RBM33: variants seen among roughly 807,000 people sequenced by gnomAD.
RBM33 encodes the protein RNA binding motif protein 33.
RBM33 carries 28 observed loss-of-function variants against 132.6 expected under a neutral mutation model. The observed-to-expected ratio is 0.21, with a 90% confidence interval of 0.16 to 0.29. The LOEUF is 0.29. RBM33 is among the 10% of genes least tolerant of loss of function. The probability of loss-of-function intolerance (pLI) is 1.00; values close to 1 mark genes in which losing one functional copy is unlikely to be tolerated. For missense variants in RBM33, 1,291 were observed against 1,518.5 expected (o/e 0.85, Z 2.49); for synonymous variants, 634 against 593.0 (o/e 1.07, Z -1.01).
At chr7:155,684,517 G>A (rs962053380) in intron 5 of RBM33, among the ~76,000 whole-genome samples, 2 of 152,160 alleles carry the variant, frequency 1.3e-5, no homozygotes, top group African/African-American at 2.4e-5. Flanking sequence ...AAGCTCCTCT[G>A]TTTAATTGCT....
At chr7:155,658,725 C>T (rs574738825) in intron 1 of RBM33, among the ~76,000 whole-genome samples, 34 of 152,290 alleles carry the variant, frequency 2.2e-4, no homozygotes, top group East Asian at 1.9e-3. Context: ...TCCTCTCTGC[C>T]AGTCTGTGAT....
At chr7:155,673,402 TTGTGTGTGTGTGTGTG>T (rs200441063) in intron 3 of RBM33, among the ~76,000 whole-genome samples, 5 of 45,162 alleles carry the variant, frequency 1.1e-4, no homozygotes, top group African/African-American at 5.9e-4. Flanking sequence ...TTTATATATA[TTGTGTGTGTGTGTGTG>T]TGTGTGTGTG....
At chr7:155,711,031 C>A in intron 7 of RBM33, 172 bp from the exon 8 acceptor site, 4 of 880,304 alleles carry the variant, frequency 4.5e-6, no homozygotes, top group Non-Finnish European at 4.7e-6. Context: ...GCTTCTTTAT[C>A]CTGCTGTTTT....
At chr7:155,761,373 C>T (rs757065957) in intron 14 of RBM33, among the ~76,000 whole-genome samples, 4 of 152,174 alleles carry the variant, frequency 2.6e-5, no homozygotes, top group East Asian at 1.9e-4. Context: ...AAAGAGATTG[C>T]GTAAGCTTGG....
In RBM33 at chr7:155,737,315, C is replaced by T. The variant is rs139736075; in HGVS notation, c.1261-215C>T. Among the ~76,000 whole-genome samples the T allele has an allele frequency of 4.6e-3, 654 of 143,194 alleles. 3 individuals carry two copies. The highest frequency in any genetic ancestry group is 0.015 in the African/African-American group (543 of 36,616). The allele number at this position is 143,194 out of a possible 152,430, so 93.9% of individuals were successfully genotyped here. A position where few individuals can be genotyped will look rare whatever the true frequency, so the allele number is the denominator to read the frequency against. ...CGCATGATGGAATCACCTAAGGATG[C>T]GTGTCAGAATGTATCCTGTCATTAA... On this transcript the variant is annotated intron_variant, in intron 9 of 17. Transcript: ENST00000401878.
rs1801168380 is a variant in RBM33 at position 155,737,560 on chromosome 7, G to A, written c.1291G>A (p.Gly431Arg). The change falls in exon 10 of 18, where the codon GGA (glycine) becomes AGA (arginine). Residue 431 changes from glycine to arginine, a missense_variant. By Grantham distance (125) the Gly-to-Arg change is moderately radical. Transcript: ENST00000401878. ...GPPEFPQHTP[G>R]PVPNSFSQPP... Reference sequence around the variant, plus strand: ...TCCAGAATTTCCACAGCATACACCTGGACCTGTTCCCAACAGTTTCAGCCA... The same window carrying A: ...TCCAGAATTTCCACAGCATACACCTAGACCTGTTCCCAACAGTTTCAGCCA... The A allele has an allele frequency of 6.2e-7, 1 of 1,612,814 alleles. No homozygotes were observed. The highest frequency in any genetic ancestry group is 1.1e-5 in the South Asian group (1 of 90,946).
rs1163818127 is a variant in RBM33 at position 155,778,643 on chromosome 7, T to TG, written c.*3605dup. On this transcript the variant is annotated 3_prime_UTR_variant, in exon 18 of 18. Transcript: ENST00000401878. The surrounding 1 kb of genome is among the most constrained non-coding windows in gnomAD (Gnocchi z 4.0). ...ACGTCTTCACTGGGTGGTGATCAGC[T>TG]GGGACAGTTCAGGTAGGGCAGGTGA... 1 of 152,384 alleles carries TG rather than the reference T, an allele frequency of 6.6e-6. No individual in the cohort carries two copies. Among genetic ancestry groups the TG allele is most frequent in the Non-Finnish European group, 1.5e-5 (1 of 68,204 alleles). The allele number at this position is 152,384 out of a possible 1,614,324, so 9.4% of individuals were successfully genotyped here.
chr7:155,693,509 ATTTAAT>A (rs1190647214), intron 5 of RBM33, among the ~76,000 whole-genome samples: 2 of 152,026 alleles, frequency 1.3e-5, no homozygotes, highest in African/African-American at 4.8e-5. Flanking sequence ...GTATCTCATA[ATTTAAT>A]TTTAAATTTA....
chr7:155,776,484 T>C lies in RBM33; in HGVS notation c.*1443T>C, dbSNP rs1802616229. 6.6e-6 allele frequency: 1 copy of C among 152,208 alleles called. No homozygotes were observed. Among genetic ancestry groups the C allele is most frequent in the African/African-American group, 2.4e-5 (1 of 41,448 alleles). The allele number at this position is 152,208 out of a possible 1,614,324, so 9.4% of individuals were successfully genotyped here. A position where few individuals can be genotyped will look rare whatever the true frequency, so the allele number is the denominator to read the frequency against. ...TCATCTCGTTTCCACAGTTGACGTT[T>C]TATATTACTTTCTCAAATTAAGTTA... On this transcript the variant is annotated 3_prime_UTR_variant, in exon 18 of 18. Coordinates refer to ENST00000401878, the MANE Select transcript of RBM33 (RefSeq NM_053043.3). This position sits in a 1 kb window ranked among gnomAD's most constrained non-coding sequence, Gnocchi z 4.0.
intron 9 of RBM33, among the ~76,000 whole-genome samples, chr7:155,729,922 G>C (rs1009581977): frequency 2.0e-5 from 3 of 151,994 alleles, no homozygotes; most frequent in Admixed American, 2.0e-4. Flanking sequence ...GTCTAGGTTA[G>C]TACATCCTAA....
At chr7:155,673,762 A>ATG (rs1799061963) in intron 3 of RBM33, among the ~76,000 whole-genome samples, 1 of 23,134 alleles carries the variant, frequency 4.3e-5, no homozygotes, top group Non-Finnish European at 1.1e-4. Context: ...ATACGCGCGC[A>ATG]TGCGCGCACA....
intron 14 of RBM33, 27 bp from the exon 15 acceptor site, chr7:155,763,785 A>G (rs1314416363): frequency 6.3e-7 from 1 of 1,591,188 alleles, no homozygotes; most frequent in African/African-American, 1.3e-5. Flanking sequence ...GACACTGAAC[A>G]ACGTGCTGCC....
chr7:155,662,976 C>T (rs759974601), intron 1 of RBM33, among the ~76,000 whole-genome samples: 1 of 152,154 alleles, frequency 6.6e-6, no homozygotes, highest in Non-Finnish European at 1.5e-5. Context: ...TTAATTCTTG[C>T]TGCCATTCTT....
intron 3 of RBM33, among the ~76,000 whole-genome samples, chr7:155,673,801 C>CACACACACACACACACACACA (rs1799077085): frequency 7.0e-6 from 1 of 142,322 alleles, no homozygotes; most frequent in Non-Finnish European, 1.5e-5. Context: ...CACACACACA[C>CACACACACACACACACACACA]CCCTACCAGT....
Position 155,775,858 on chromosome 7 carries a change from C to T in RBM33, c.*817C>T, listed in dbSNP as rs1391980257. 1.3e-5 allele frequency: 2 copies of T among 152,220 alleles called. No homozygotes were observed. Among genetic ancestry groups the T allele is most frequent in the African/African-American group, 4.8e-5 (2 of 41,428 alleles). 9.4% of individuals were successfully genotyped at this position (152,220 alleles called of 1,614,324 possible). Reference sequence around the variant, plus strand: ...GGAATGGCCTGAAGGTGGAACAGACCTGTTTTTTTCCTTTTTAAATGCAGT... The same window carrying T: ...GGAATGGCCTGAAGGTGGAACAGACTTGTTTTTTTCCTTTTTAAATGCAGT... On this transcript the variant is annotated 3_prime_UTR_variant, in exon 18 of 18. Transcript: ENST00000401878.
intron 14 of RBM33, among the ~76,000 whole-genome samples, chr7:155,755,787 T>C (rs1484889452): frequency 6.6e-6 from 1 of 152,090 alleles, no homozygotes; most frequent in Admixed American, 6.5e-5. Flanking sequence ...TTGTTATAAA[T>C]AAATTTGTCC....
In RBM33 at chr7:155,706,911, G is replaced by C. The variant is rs771648186; in HGVS notation, c.791G>C (p.Arg264Pro). 1 of 1,607,372 alleles carries C rather than the reference G, an allele frequency of 6.2e-7. No homozygotes were observed. Residue 264 changes from arginine (R) to proline (P), a missense_variant, in exon 7 of 18, where the codon CGA becomes CCA. Arg to Pro is a moderately radical substitution (Grantham distance 103). Around this residue, in one of 7 missense-constraint regions of RBM33, gnomAD observed 34 missense variants for 46.5 expected, o/e 0.73. Transcript: ENST00000401878. ...AALLEFEERERQHKQGRYSSR... is the reference protein window; with the variant it reads ...AALLEFEEREPQHKQGRYSSR... ...TTGCTTGAATTTGAAGAAAGGGAGC[G>C]ACAGCATAAACAAGGACGCTACAGC...
chr7:155,766,691 G>A lies in RBM33; in HGVS notation c.3375+36G>A, dbSNP rs187422989. On this transcript the variant is annotated intron_variant, in intron 16 of 17. Transcript: ENST00000401878. ...GGGGGTGGCATCTGTGCCACGGGTA[G>A]TTGTGTCCCAAGACAAAATCATTTC... The A allele has an allele frequency of 8.9e-4, 1,408 of 1,578,228 alleles. 1 individual carries two copies. Among genetic ancestry groups the A allele is most frequent in the Non-Finnish European group, 1.2e-3 (1,343 of 1,158,920 alleles).
intron 2 of RBM33, among the ~76,000 whole-genome samples, chr7:155,669,412 G>A (rs187750361): frequency 6.6e-6 from 1 of 152,304 alleles, no homozygotes; most frequent in East Asian, 1.9e-4. Flanking sequence ...GAGTGCAGTG[G>A]TGCGATATCA....
Sources: allele counts gnomAD v4.1 joint callset (sites outside exome capture counted in the v4.1 genomes callset), GRCh38; gene constraint gnomAD v4.1.1; regional missense constraint gnomAD v4.1.1; non-coding constraint Gnocchi (gnomAD v3.1); transcripts MANE v1.5; gene names NCBI Gene and HGNC (gene_info 2026-07-23, HGNC 2026-07-21).